ARHGEF38: variants seen among roughly 807,000 people sequenced by gnomAD.
ARHGEF38 encodes the protein Rho guanine nucleotide exchange factor (GEF) 38.
A neutral mutation model predicts 79.9 loss-of-function variants in ARHGEF38; 79 were observed. The observed-to-expected ratio is 0.99, with a 90% CI of 0.82 to 1.19. ARHGEF38 has a LOEUF of 1.19. ARHGEF38 is among the 50% of genes most tolerant of loss of function. ARHGEF38 has a pLI of 0.00. For synonymous variants in ARHGEF38, 366 were observed against 328.3 expected, an observed-to-expected ratio of 1.11 and a Z score of -1.24; for missense variants, 962 against 907.2, an observed-to-expected ratio of 1.06 and a Z score of -0.78.
At chr4:105,664,809 A>G (rs1193287267) in intron 10 of ARHGEF38, among the ~76,000 whole-genome samples, 1 of 152,068 alleles carries the variant, frequency 6.6e-6, no homozygotes, top group African/African-American at 2.4e-5. Context: ...ATGTGTAGAG[A>G]GAGAGGTGTG....
At chr4:105,659,020 C>G (rs1462199846) in intron 9 of ARHGEF38, 34 bp from the exon 10 acceptor site, 5 of 1,502,214 alleles carry the variant, frequency 3.3e-6, no homozygotes, top group Admixed American at 4.1e-5. Context: ...GGCTGATCCT[C>G]TCTCTGAAAT....
intron 5 of ARHGEF38, among the ~76,000 whole-genome samples, chr4:105,637,953 A>G (rs1224283129): frequency 6.6e-6 from 1 of 152,130 alleles, no homozygotes; most frequent in Non-Finnish European, 1.5e-5. Context: ...AAGAAGAGCA[A>G]TCCCAGCATG....
rs778227529 is a variant in ARHGEF38 at position 105,557,099 on chromosome 4, G to A, written c.196+4138G>A. Among the ~76,000 whole-genome samples the A allele has an allele frequency of 2.0e-5, 3 of 152,190 alleles. 1 individual carries two copies. The highest frequency in any genetic ancestry group is 1.9e-4 in the East Asian group (1 of 5,172). On this transcript the variant is annotated intron_variant, in intron 1 of 13. Coordinates refer to ENST00000420470, the MANE Select transcript of ARHGEF38 (RefSeq NM_001242729.2). The stretch of plus-strand genomic sequence containing the variant: ...TAAATACAAGAAATTTAGTGGTTGA[G>A]TTGTAAAAACTCAGAAAGGGTTTCA...
At chr4:105,606,376 C>T (rs1001099347) in intron 2 of ARHGEF38, among the ~76,000 whole-genome samples, 1 of 151,830 alleles carries the variant, frequency 6.6e-6, no homozygotes, top group Non-Finnish European at 1.5e-5. Flanking sequence ...ATGTCATGCA[C>T]ATATATATGG....
At chr4:105,632,800 T>C (rs1729249446) in intron 4 of ARHGEF38, 1 of 152,260 alleles carries the variant, frequency 6.6e-6, no homozygotes, top group South Asian at 2.1e-4. Context: ...GTGCCTCTAC[T>C]TTAGGCATGC....
At chr4:105,671,683 T>A (rs1402929976) in intron 13 of ARHGEF38, among the ~76,000 whole-genome samples, 1 of 152,216 alleles carries the variant, frequency 6.6e-6, no homozygotes, top group East Asian at 1.9e-4. Context: ...AAGAAAATTA[T>A]ATCTTCTTTA....
intron 13 of ARHGEF38, among the ~76,000 whole-genome samples, chr4:105,676,501 A>C (rs1731121357): frequency 6.6e-6 from 1 of 152,194 alleles, no homozygotes; most frequent in Non-Finnish European, 1.5e-5. Context: ...ATTTTCATTA[A>C]ATAAATGAAT....
chr4:105,592,414 T>G (rs1727382183), intron 2 of ARHGEF38, among the ~76,000 whole-genome samples: 1 of 151,536 alleles, frequency 6.6e-6, no homozygotes, highest in African/African-American at 2.4e-5. Flanking sequence ...CTGACAACCT[T>G]CTGATGGCAC....
Position 105,655,638 on chromosome 4 carries a change from C to T in ARHGEF38, c.1149C>T (p.Asp383=). Residue 383 remains aspartate (D), a synonymous_variant, in exon 9 of 14, where the codon GAC becomes GAT. Coordinates refer to ENST00000420470, the MANE Select transcript of ARHGEF38 (RefSeq NM_001242729.2). ...AMPLALQSVM[D]LQEISYNKDD... is the part of the protein sequence containing the mutation. ...CCCTGGCTCTGCAGAGTGTGATGGACCTTCAGGAGATTTCATACAACAAAG... is the reference window on the plus strand; with the variant it reads ...CCCTGGCTCTGCAGAGTGTGATGGATCTTCAGGAGATTTCATACAACAAAG... 1 of 1,535,872 alleles carries T rather than the reference C, an allele frequency of 6.5e-7. No homozygotes were observed. The highest frequency in any genetic ancestry group is 8.7e-7 in the Non-Finnish European group (1 of 1,146,700).
In ARHGEF38 at chr4:105,631,018, A is replaced by G; in HGVS notation, c.629A>G (p.His210Arg). 5.0e-6 allele frequency: 8 copies of G among 1,613,790 alleles called. No individual in the cohort carries two copies. Among genetic ancestry groups the G allele is most frequent in the Non-Finnish European group, 6.8e-6 (8 of 1,179,868 alleles). Residue 210 changes from histidine (H) to arginine (R), a missense_variant, in exon 4 of 14, where the codon CAT (histidine) becomes CGT (arginine). By Grantham distance (29) the His-to-Arg change is conservative. Coordinates refer to ENST00000420470, the MANE Select transcript of ARHGEF38 (RefSeq NM_001242729.2). ...SYEKEEELKEHLSHCIQSLKK... is the reference protein window; with the variant it reads ...SYEKEEELKERLSHCIQSLKK... Reference sequence around the variant, plus strand: ...GAAAAGGAAGAAGAGCTGAAGGAACATTTGAGCCACTGTATCCAGTCCTTA... The same window carrying G: ...GAAAAGGAAGAAGAGCTGAAGGAACGTTTGAGCCACTGTATCCAGTCCTTA...
intron 5 of ARHGEF38, among the ~76,000 whole-genome samples, chr4:105,636,805 T>C (rs963287523): frequency 1.3e-5 from 2 of 152,108 alleles, no homozygotes; most frequent in African/African-American, 4.8e-5. Flanking sequence ...TATAGATTAA[T>C]GCATAAGAAA....
intron 5 of ARHGEF38, among the ~76,000 whole-genome samples, chr4:105,638,114 C>T (rs146071820): frequency 2.6e-5 from 4 of 152,206 alleles, no homozygotes; most frequent in East Asian, 3.9e-4. Context: ...GTGGCAAAGG[C>T]CAGCAATGTT....
intron 3 of ARHGEF38, 48 bp downstream of exon 3, chr4:105,613,555 T>C (rs750023919): frequency 1.3e-6 from 2 of 1,596,542 alleles, no homozygotes; most frequent in Non-Finnish European, 1.7e-6. Flanking sequence ...GGAAATAATT[T>C]TTTAATAACC....
intron 2 of ARHGEF38, among the ~76,000 whole-genome samples, chr4:105,597,049 C>G (rs1389959251): frequency 6.6e-6 from 1 of 152,138 alleles, no homozygotes; most frequent in Non-Finnish European, 1.5e-5. Flanking sequence ...CTCCTCAGAC[C>G]CCCAACTTGT....
intron 2 of ARHGEF38, among the ~76,000 whole-genome samples, chr4:105,603,685 A>G (rs1727919908): frequency 1.3e-5 from 2 of 152,120 alleles, no homozygotes; most frequent in South Asian, 4.1e-4. Context: ...ATATGTTTAT[A>G]CTAGCTTCCA....
chr4:105,669,782 A>C (rs755188260), intron 13 of ARHGEF38, among the ~76,000 whole-genome samples: 1 of 152,052 alleles, frequency 6.6e-6, no homozygotes, highest in Non-Finnish European at 1.5e-5. Context: ...CTTTGCACCC[A>C]TTTGTAGTCC....
chr4:105,659,911 T>C (rs1217644909), intron 10 of ARHGEF38, among the ~76,000 whole-genome samples: 2 of 151,158 alleles, frequency 1.3e-5, no homozygotes, highest in Non-Finnish European at 2.9e-5. Flanking sequence ...CATTAGGATA[T>C]AATTTTATAA....
chr4:105,603,998 A>G, intron 2 of ARHGEF38, among the ~76,000 whole-genome samples: 1 of 152,186 alleles, frequency 6.6e-6, no homozygotes, highest in East Asian at 1.9e-4. Flanking sequence ...TGGTATGTTT[A>G]CTATCTTCAT....
intron 2 of ARHGEF38, among the ~76,000 whole-genome samples, chr4:105,592,260 A>G (rs1727375550): frequency 6.6e-6 from 1 of 152,014 alleles, no homozygotes; most frequent in African/African-American, 2.4e-5. Flanking sequence ...TTCATATCCA[A>G]CAATCTTTCC....
Sources: allele counts gnomAD v4.1 joint callset (sites outside exome capture counted in the v4.1 genomes callset), GRCh38; gene constraint gnomAD v4.1.1; transcripts MANE v1.5; gene names NCBI Gene and HGNC (gene_info 2026-07-23, HGNC 2026-07-21).